NALF1: variants seen among roughly 807,000 people sequenced by gnomAD.
NALF1 encodes the protein family with sequence similarity 155 member A.
Under a neutral mutation model 48.4 loss-of-function variants are expected in NALF1, and 3 were observed. The ratio of observed to expected loss-of-function variants is 0.06; its 90% CI spans 0.03 to 0.16. The LOEUF is 0.16. Among genes scored for constraint, NALF1 ranks in the 10% least tolerant of loss-of-function variants. The pLI is 1.00. For missense variants in NALF1, 526 were observed against 571.5 expected (o/e 0.92, Z 0.81); for synonymous variants, 262 against 245.7 (o/e 1.07, Z -0.62).
At chr13:107,623,943 T>C (rs1879599603) in intron 1 of NALF1, among the ~76,000 whole-genome samples, 1 of 152,176 alleles carries the variant, frequency 6.6e-6, no homozygotes, top group Non-Finnish European at 1.5e-5. Flanking sequence ...AAAGTGTATA[T>C]GGAGATGTGT....
intron 2 of NALF1, among the ~76,000 whole-genome samples, chr13:107,191,979 G>T: frequency 6.6e-6 from 1 of 151,750 alleles, no homozygotes; most frequent in South Asian, 2.1e-4. Flanking sequence ...ACTGTATCCA[G>T]CCAATTCTGT....
At chr13:107,267,694 G>A (rs1881070248) in intron 1 of NALF1, among the ~76,000 whole-genome samples, 1 of 152,134 alleles carries the variant, frequency 6.6e-6, no homozygotes, top group South Asian at 2.1e-4. Context: ...CAACAATAAT[G>A]AATAATAAAG....
chr13:107,329,749 T>TG (rs1045859223), intron 1 of NALF1, among the ~76,000 whole-genome samples: 55 of 149,316 alleles, frequency 3.7e-4, no homozygotes, highest in African/African-American at 1.3e-3. Context: ...AGTGAGAACA[T>TG]GCGGTGTTTG....
chr13:107,704,645 T>TAAA (rs58514230), intron 1 of NALF1, among the ~76,000 whole-genome samples: 10 of 151,952 alleles, frequency 6.6e-5, no homozygotes, highest in African/African-American at 4.8e-5. Context: ...GGGTTTATCC[T>TAAA]AAAAAAAATC....
chr13:107,576,352 A>G (rs9301237), intron 1 of NALF1, among the ~76,000 whole-genome samples: 60,965 of 152,044 alleles, frequency 0.4, 13,231 homozygotes, highest in East Asian at 0.66. Context: ...AAAACAAAGA[A>G]AAGTGTTTTT....
intron 1 of NALF1, among the ~76,000 whole-genome samples, chr13:107,784,076 G>A (rs576670858): frequency 4.6e-5 from 7 of 152,230 alleles, no homozygotes; most frequent in African/African-American, 1.4e-4. Flanking sequence ...GGTGCCAGCT[G>A]TAGATAGTAT....
intron 1 of NALF1, among the ~76,000 whole-genome samples, chr13:107,792,628 G>A (rs796897479): frequency 5.9e-5 from 9 of 152,192 alleles, no homozygotes; most frequent in East Asian, 1.9e-4. Flanking sequence ...TTCTAGACAC[G>A]AGTTTGACTT....
intron 1 of NALF1, among the ~76,000 whole-genome samples, chr13:107,685,119 C>A (rs1182493325): frequency 6.6e-6 from 1 of 152,122 alleles, no homozygotes; most frequent in Non-Finnish European, 1.5e-5. Context: ...TCGAGACCAG[C>A]CTGGCTAACA....
intron 1 of NALF1, among the ~76,000 whole-genome samples, chr13:107,497,688 T>C (rs1284500737): frequency 6.6e-6 from 1 of 152,220 alleles, no homozygotes; most frequent in East Asian, 1.9e-4. Context: ...AGCTATCTTA[T>C]AACTGGATTG....
chr13:107,865,299 TGAC>T (rs143169908), intron 1 of NALF1, among the ~76,000 whole-genome samples: 46 of 152,358 alleles, frequency 3.0e-4, no homozygotes, highest in African/African-American at 1.1e-3. Flanking sequence ...CGAACTCTTC[TGAC>T]TTTACCTGTG....
intron 1 of NALF1, among the ~76,000 whole-genome samples, chr13:107,754,241 C>T (rs950303517): frequency 1.3e-5 from 2 of 151,964 alleles, no homozygotes; most frequent in Non-Finnish European, 2.9e-5. Flanking sequence ...GTAGTGATGT[C>T]TTTAATGCAA....
At chr13:107,255,339 A>G (rs1880791729) in intron 1 of NALF1, among the ~76,000 whole-genome samples, 1 of 152,040 alleles carries the variant, frequency 6.6e-6, no homozygotes, top group Non-Finnish European at 1.5e-5. Flanking sequence ...TCATCTCTTT[A>G]TGTTTTAGTA....
chr13:107,529,321 A>G (rs564825123), intron 1 of NALF1, among the ~76,000 whole-genome samples: 25 of 152,306 alleles, frequency 1.6e-4, no homozygotes, highest in South Asian at 4.1e-4. Flanking sequence ...TATGACTTTC[A>G]GAATCACTTC....
chr13:107,176,316 GTT>G (rs5806633), intron 2 of NALF1, among the ~76,000 whole-genome samples: 3,659 of 123,160 alleles, frequency 0.03, 24 homozygotes, highest in Middle Eastern at 0.043. Context: ...CAACCTCACA[GTT>G]TTTTTTTTTT....
chr13:107,349,740 A>C (rs993745961), intron 1 of NALF1, among the ~76,000 whole-genome samples: 2 of 81,416 alleles, frequency 2.5e-5, no homozygotes, highest in Non-Finnish European at 4.7e-5. Flanking sequence ...AATACGTCTC[A>C]AAAAAAAAAA....
intron 1 of NALF1, among the ~76,000 whole-genome samples, chr13:107,668,962 G>A (rs959234041): frequency 2.6e-5 from 4 of 151,890 alleles, no homozygotes; most frequent in Admixed American, 1.3e-4. Flanking sequence ...AGATACCTTC[G>A]AAATCAGAAA....
chr13:107,330,663 T>C (rs2138923698), intron 1 of NALF1, among the ~76,000 whole-genome samples: 1 of 152,360 alleles, frequency 6.6e-6, no homozygotes, highest in Non-Finnish European at 1.5e-5. Flanking sequence ...GCCGCGGGGC[T>C]GTGTCACCAT....
At chr13:107,431,154 T>C (rs940246153) in intron 1 of NALF1, among the ~76,000 whole-genome samples, 2 of 152,204 alleles carry the variant, frequency 1.3e-5, no homozygotes, top group African/African-American at 2.4e-5. Flanking sequence ...TCAAACACAG[T>C]TCTGTCTGAC....
At chr13:107,240,525 T>G (rs984393740) in intron 1 of NALF1, among the ~76,000 whole-genome samples, 13 of 152,198 alleles carry the variant, frequency 8.5e-5, no homozygotes, top group African/African-American at 3.1e-4. Flanking sequence ...TTATCTATTA[T>G]CATTTGTATA....
Sources: allele counts gnomAD v4.1 joint callset (sites outside exome capture counted in the v4.1 genomes callset), GRCh38; gene constraint gnomAD v4.1.1; transcripts MANE v1.5; gene names NCBI Gene and HGNC (gene_info 2026-07-23, HGNC 2026-07-21).